The following COL22A1 variants were observed in gnomAD, a reference collection of about 807,000 sequenced individuals.
The protein encoded by COL22A1 is collagen type XXII alpha 1 chain.
In COL22A1, 221 loss-of-function variants were observed where a neutral mutation model predicts 248.9. That is an observed-to-expected ratio of 0.89 (90% CI 0.80 to 0.99). The LOEUF (loss-of-function observed/expected upper bound fraction) is 0.99, where lower values mean the gene tolerates loss of function less well. Among genes scored for constraint, COL22A1 ranks in the 50% least tolerant of loss-of-function variants. The pLI is 0.00. For synonymous variants in COL22A1, 891 were observed against 793.4 expected (o/e 1.12, Z -2.07); for missense variants, 2,240 against 2,179.0 (o/e 1.03, Z -0.56).
chr8:138,787,561 T>C (rs1174111888), intron 12 of COL22A1, among the ~76,000 whole-genome samples: 1 of 152,234 alleles, frequency 6.6e-6, no homozygotes, highest in East Asian at 1.9e-4. Context: ...GATACTATTA[T>C]TTTGGGTAAA....
At chr8:138,746,018 G>T (rs1832074439) in intron 22 of COL22A1, among the ~76,000 whole-genome samples, 1 of 152,256 alleles carries the variant, frequency 6.6e-6, no homozygotes, top group Admixed American at 6.5e-5. Context: ...AGGCGGGCAG[G>T]TGGGCGGGCA....
At position 138,603,641 on chromosome 8, in the gene COL22A1, G is replaced by T. The variant is rs559712234; in HGVS notation, c.4140+1093C>A. Among the ~76,000 whole-genome samples, 24 of 152,278 alleles carry T rather than the reference G, an allele frequency of 1.6e-4. No individual in the cohort carries two copies. The South Asian group carries it at 1.9e-3, about 12-fold the overall frequency. ...GCAGCCCTCAGAAATGGGAGCTACG[G>T]GTATTTCCTCTTTACCTCATTCCAG... On this transcript the variant is annotated intron_variant, in intron 59 of 64. Transcript: ENST00000303045.
chr8:138,785,844 C>G (rs906985975), intron 12 of COL22A1, among the ~76,000 whole-genome samples: 12 of 152,182 alleles, frequency 7.9e-5, no homozygotes, highest in African/African-American at 2.7e-4. Flanking sequence ...TCTGGCTTGA[C>G]ATAGTGTCCA....
intron 32 of COL22A1, among the ~76,000 whole-genome samples, chr8:138,698,892 T>C (rs1827740738): frequency 6.6e-6 from 1 of 152,270 alleles, no homozygotes; most frequent in Non-Finnish European, 1.5e-5. Flanking sequence ...AGCAGAGTTA[T>C]AAATGTTTTA....
chr8:138,660,535 A>G (rs144312176), intron 43 of COL22A1, 55 bp from the exon 44 acceptor site: 1 of 1,485,580 alleles, frequency 6.7e-7, no homozygotes, highest in Non-Finnish European at 9.4e-7. Flanking sequence ...ATCCTGACCC[A>G]CTCTACCCAC....
intron 1 of COL22A1, among the ~76,000 whole-genome samples, chr8:138,896,225 G>C (rs920934608): frequency 2.0e-5 from 3 of 152,122 alleles, no homozygotes; most frequent in African/African-American, 7.2e-5. Context: ...ATATATAATA[G>C]AGTCTATTTT....
At chr8:138,826,555 C>G (rs933106134) in intron 6 of COL22A1, 103 bp downstream of exon 6, 62 of 1,291,356 alleles carry the variant, frequency 4.8e-5, no homozygotes, top group Non-Finnish European at 6.7e-5. Context: ...TCTCTAGGCC[C>G]AGGGATAAGA....
intron 35 of COL22A1, 126 bp from the exon 36 acceptor site, chr8:138,691,000 GC>G: frequency 1.4e-6 from 1 of 695,666 alleles, no homozygotes; most frequent in Non-Finnish European, 2.3e-6. Context: ...TGACCTGACA[GC>G]CTCTGCAGAC....
intron 52 of COL22A1, among the ~76,000 whole-genome samples, chr8:138,621,444 G>T (rs940670551): frequency 2.0e-5 from 3 of 152,048 alleles, no homozygotes; most frequent in African/African-American, 7.2e-5. Context: ...ACTGATTCAG[G>T]GGATCACCTC....
Position 138,838,059 on chromosome 8 carries a change from C to T in COL22A1, c.734-4909G>A, listed in dbSNP as rs901763126. On this transcript the variant is annotated intron_variant, in intron 4 of 64. Transcript: ENST00000303045. ...AAAGCAGCAGCCAGTGTAATTGAGG[C>T]AGCAGAAGCAGTGGCGTGGAGGGAA... is the stretch of plus-strand genomic sequence containing the variant. 2.0e-5 allele frequency among the ~76,000 whole-genome samples: 3 copies of T among 152,148 alleles called. No individual in the cohort carries two copies. In the East Asian group the frequency reaches 5.8e-4, roughly 29 times the overall value.
chr8:138,647,707 C>G lies in COL22A1; in HGVS notation c.3448-1025G>C, dbSNP rs571027102. 7.3e-4 allele frequency among the ~76,000 whole-genome samples: 111 copies of G among 152,280 alleles called. 2 individuals carry two copies. In the South Asian group the frequency reaches 0.022, roughly 31 times the overall value. ...TGGGAGGGTGGGGGTTCGTGGCCCC[C>G]TGCCAGGTCCTGCCAGAAGTTGTGG... On this transcript the variant is annotated intron_variant, in intron 46 of 64. Coordinates refer to ENST00000303045, the MANE Select transcript of COL22A1 (RefSeq NM_152888.3).
chr8:138,779,436 T>C, intron 14 of COL22A1, 73 bp downstream of exon 14: 1 of 1,062,204 alleles, frequency 9.4e-7, no homozygotes, highest in Non-Finnish European at 1.5e-6. Flanking sequence ...CTTCTGCACC[T>C]AAAGCAACTG....
chr8:138,737,116 G>A (rs922413823), intron 23 of COL22A1, among the ~76,000 whole-genome samples: 2 of 152,198 alleles, frequency 1.3e-5, no homozygotes. Flanking sequence ...CTGCAGAGCT[G>A]TGCCCCAGGG....
intron 41 of COL22A1, among the ~76,000 whole-genome samples, chr8:138,674,063 C>A (rs1442694612): frequency 6.6e-6 from 1 of 152,166 alleles, no homozygotes. Context: ...GGCTTGCTTT[C>A]TTTGTCTGTC....
chr8:138,844,455 A>G (rs1821090583), intron 3 of COL22A1, among the ~76,000 whole-genome samples: 1 of 152,232 alleles, frequency 6.6e-6, no homozygotes, highest in African/African-American at 2.4e-5. Flanking sequence ...AGACACGGAC[A>G]TCAATATTAA....
Position 138,760,259 on chromosome 8 carries a change from C to T in COL22A1, c.1886G>A (p.Gly629Glu), listed in dbSNP as rs750576134. The change falls in exon 18 of 65, where the codon GGA (glycine) becomes GAA (glutamate). Residue 629 changes from glycine (G) to glutamate (E), a missense_variant. Transcript: ENST00000303045. ...CTCGCTCACCTTTTCTCCCTGGGGT[C>T]CTGCCACACCAGAAGGGCCGGGCCT... ...QGRPGPSGVA[G>E]PQGEKGDVGP... 8 of 1,593,702 alleles carry T rather than the reference C, an allele frequency of 5.0e-6. No homozygotes were observed. The South Asian group carries it at 6.9e-5, about 14-fold the overall frequency.
chr8:138,905,781 C>T (rs1483846813), intron 1 of COL22A1, among the ~76,000 whole-genome samples: 1 of 152,210 alleles, frequency 6.6e-6, no homozygotes, highest in East Asian at 1.9e-4. Flanking sequence ...AGGCCTCTCT[C>T]AACCTGATCC....
chr8:138,660,811 TACACACATAC>T lies in COL22A1; in HGVS notation c.3241-341_3241-332del, dbSNP rs759400474. ...ACACACACAGACACACAGACACACA[TACACACATAC>T]ACACACATACACACACAGACACACA... On this transcript the variant is annotated intron_variant, in intron 43 of 64. Transcript: ENST00000303045. 7.6e-3 allele frequency among the ~76,000 whole-genome samples: 452 copies of T among 59,158 alleles called. 2 individuals are homozygous for T. Among genetic ancestry groups the T allele is most frequent in the East Asian group, 0.057 (102 of 1,782 alleles). 38.8% of individuals were successfully genotyped at this position (59,158 alleles called of 152,430 possible). A position where few individuals can be genotyped will look rare whatever the true frequency, so the allele number is the denominator to read the frequency against.
intron 22 of COL22A1, among the ~76,000 whole-genome samples, chr8:138,748,190 C>T (rs1330890357): frequency 9.2e-5 from 14 of 152,192 alleles, no homozygotes; most frequent in African/African-American, 1.9e-4. Context: ...TCCAGCCCCC[C>T]GGCTCCTCTC....
Sources: allele counts gnomAD v4.1 joint callset (sites outside exome capture counted in the v4.1 genomes callset), GRCh38; gene constraint gnomAD v4.1.1; transcripts MANE v1.5; gene names NCBI Gene and HGNC (gene_info 2026-07-23, HGNC 2026-07-21).